The following RHBDD3 variants were observed in gnomAD, a reference collection of about 807,000 sequenced individuals.
RHBDD3 encodes the protein rhomboid domain-containing protein 3.
Under a neutral mutation model 32.3 loss-of-function variants are expected in RHBDD3, and 34 were observed. The ratio of observed to expected loss-of-function variants is 1.05; its 90% confidence interval spans 0.80 to 1.40. The LOEUF (loss-of-function observed/expected upper bound fraction) is 1.40. RHBDD3 is among the 40% of genes most tolerant of loss of function. The pLI is 0.00. For missense variants in RHBDD3, 482 were observed against 492.6 expected, an observed-to-expected ratio of 0.98 and a Z score of 0.20; for synonymous variants, 249 against 239.1, an observed-to-expected ratio of 1.04 and a Z score of -0.38.
Position 29,264,432 on chromosome 22 carries a change from CAG to C in RHBDD3, c.149-216_149-215del. On this transcript the variant is annotated intron_variant, in intron 3 of 6. Coordinates refer to ENST00000216085, the MANE Select transcript of RHBDD3 (RefSeq NM_012265.3). ...GTGGCTACGCCTCTGTGGTATTAAA[CAG>C]AATACACTGGACGTGCCACTCAGTC... 3.6e-6 allele frequency: 5 copies of C among 1,373,486 alleles called. No individual in the cohort carries two copies. The South Asian group carries it at 9.6e-5, about 26-fold the overall frequency. 85.1% of individuals were successfully genotyped at this position (1,373,486 alleles called of 1,614,324 possible). A position where few individuals can be genotyped will look rare whatever the true frequency, so the allele number is the denominator to read the frequency against.
At chr22:29,263,448 G>C (rs1411551199) in intron 4 of RHBDD3, among the ~76,000 whole-genome samples, 2 of 152,204 alleles carry the variant, frequency 1.3e-5, no homozygotes, top group East Asian at 3.8e-4. Flanking sequence ...AAAGTGCTGG[G>C]GTTACAGGCG....
chr22:29,268,142 C>G, upstream of RHBDD3: 2 of 674,780 alleles, frequency 3.0e-6, no homozygotes, highest in South Asian at 3.3e-5. Flanking sequence ...GTCGGGCGCT[C>G]TTTAGAGAGG....
intron 3 of RHBDD3, 73 bp from the exon 4 acceptor site, chr22:29,264,291 T>G (rs1015265157): frequency 1.4e-6 from 2 of 1,449,874 alleles, no homozygotes; most frequent in Admixed American, 2.8e-5. Flanking sequence ...TGTGCCAGGT[T>G]GAAGGTTACG....
intron 4 of RHBDD3, chr22:29,261,544 T>C (rs2058120855): frequency 6.0e-6 from 2 of 334,214 alleles, no homozygotes; most frequent in East Asian, 8.8e-5. Flanking sequence ...TAGTGAGCTA[T>C]GATGGCGTCG....
rs1472939304 is a variant in RHBDD3 at position 29,260,376 on chromosome 22, C to T, written c.933G>A (p.Gln311=). 1 of 1,612,466 alleles carries T rather than the reference C, an allele frequency of 6.2e-7. No homozygotes were observed. Among genetic ancestry groups the T allele is most frequent in the East Asian group, 2.2e-5 (1 of 44,876 alleles). Residue 311 remains glutamine, a synonymous_variant, in exon 6 of 7, where the codon CAG becomes CAA. Coordinates refer to ENST00000216085, the MANE Select transcript of RHBDD3 (RefSeq NM_012265.3). ...ACAGCCATGGTGCGCTCTGGGGTTC[C>T]TGGGCTGGCCCGTCAAGAAGCGAGG... ...IQASLLDGPA[Q]EPQSAPWLSK...
At chr22:29,268,032 C>T, upstream of RHBDD3, 2 of 511,520 alleles carry the variant, frequency 3.9e-6, no homozygotes, top group Non-Finnish European at 7.1e-6. Context: ...GGAACCATTC[C>T]AAACAGCCTA....
At chr22:29,262,261 CCT>C (rs1238767028) in intron 4 of RHBDD3, among the ~76,000 whole-genome samples, 1 of 151,506 alleles carries the variant, frequency 6.6e-6, no homozygotes, top group Non-Finnish European at 1.5e-5. Context: ...GCCTCAGCCT[CCT>C]GAGCAGCTGG....
chr22:29,263,755 C>T, intron 4 of RHBDD3, 80 bp downstream of exon 4: 1 of 1,453,134 alleles, frequency 6.9e-7, no homozygotes. Context: ...GGCCTTCACC[C>T]CTTTGTGCCA....
In RHBDD3 at chr22:29,260,084, G is replaced by C. The variant is rs761174134; in HGVS notation, c.1137C>G (p.His379Gln). 4 of 1,571,862 alleles carry C rather than the reference G, an allele frequency of 2.5e-6. No homozygotes were observed. The highest frequency in any genetic ancestry group is 3.5e-6 in the Non-Finnish European group (4 of 1,158,978). Residue 379 changes from histidine (H) to glutamine (Q), a missense_variant, in exon 7 of 7, where the codon CAC becomes CAG. Physicochemically the swap from His to Gln is conservative, Grantham distance 24. Coordinates refer to ENST00000216085, the MANE Select transcript of RHBDD3 (RefSeq NM_012265.3). ...GCTAGGGAGGCCCAGGACCCTCGGAGTGGGCAGGCCCACCCTTTCCATGGG... is the reference window on the plus strand; with the variant it reads ...GCTAGGGAGGCCCAGGACCCTCGGACTGGGCAGGCCCACCCTTTCCATGGG... ...LVTHGKGGPA[H>Q]SEGPGPP
rs759600103 is a variant in RHBDD3, at chr22:29,260,527, C to T, written c.782G>A (p.Arg261Lys). The change falls in exon 6 of 7, where the codon AGG (arginine) becomes AAG (lysine). Residue 261 changes from arginine to lysine, a missense_variant. Transcript: ENST00000216085. ...EDSALPPPSLRPVQPTWEGSS... is the reference protein window; with the variant it reads ...EDSALPPPSLKPVQPTWEGSS... ...GCCCTCCCAGGTGGGCTGCACAGGC[C>T]TCAGGCTTGGTGGGGGCAGGGCTGA... 3 of 1,597,926 alleles carry T rather than the reference C, an allele frequency of 1.9e-6. No homozygotes were observed. Among genetic ancestry groups the T allele is most frequent in the Non-Finnish European group, 2.6e-6 (3 of 1,174,814 alleles).
rs1039750804 is a variant in RHBDD3 at position 29,260,336 on chromosome 22, A to C, written c.973T>G (p.Ser325Ala). Residue 325 changes from serine (S) to alanine (A), a missense_variant, in exon 6 of 7, where the codon TCC (serine) becomes GCC (alanine). Transcript: ENST00000216085. The part of the protein sequence containing the change: ...SAPWLSKSSV[S>A]SLRLQQLERM... The stretch of plus-strand genomic sequence containing the variant: ...CCCACCCCACCTTACCGCAGAGAGG[A>C]GACAGAGGACTTGGACAGCCATGGT... 2 of 1,609,010 alleles carry C rather than the reference A, an allele frequency of 1.2e-6. No individual in the cohort carries two copies. Among genetic ancestry groups the C allele is most frequent in the Admixed American group, 1.7e-5 (1 of 59,814 alleles).
rs140437469 is a variant in RHBDD3 at position 29,260,720 on chromosome 22, G to A, written c.677C>T (p.Thr226Ile). ...CCCTCACCTCACTCCGGCAGGATGGGTGACAGGCAGCTCCGCCAGGCTACC... is the reference window on the plus strand; with the variant it reads ...CCCTCACCTCACTCCGGCAGGATGGATGACAGGCAGCTCCGCCAGGCTACC... ...TPGSLAELPV[T>I]HPAGVRPPIP... is the part of the protein sequence containing the mutation. The change falls in exon 5 of 7, where the codon ACC (threonine) becomes ATC (isoleucine). Residue 226 changes from threonine (T) to isoleucine (I), a missense_variant. Transcript: ENST00000216085. The A allele has an allele frequency of 1.9e-6, 3 of 1,588,814 alleles. No individual in the cohort carries two copies. Among genetic ancestry groups the A allele is most frequent in the African/African-American group, 2.7e-5 (2 of 74,556 alleles).
At position 29,264,025 on chromosome 22, in the gene RHBDD3, A is replaced by G. The variant is rs1341089212; in HGVS notation, c.342T>C (p.Ser114=). The G allele has an allele frequency of 6.4e-7, 1 of 1,558,750 alleles. No individual in the cohort carries two copies. The highest frequency in any genetic ancestry group is 1.4e-5 in the African/African-American group (1 of 73,956). The change falls in exon 4 of 7, where the codon AGT becomes AGC. Residue 114 remains serine (S), a synonymous_variant. Coordinates refer to ENST00000216085, the MANE Select transcript of RHBDD3 (RefSeq NM_012265.3). ...GCATGTATCCACAGCTGCCGGCTGC[A>G]CTGGACAGCCCAAGGCCTGCCAGCA... is the stretch of plus-strand genomic sequence containing the variant. ...AVLLAGLGLS[S]AAGSCGYMPV... is the part of the protein sequence containing the mutation.
Position 29,260,843 on chromosome 22 carries a change from C to T in RHBDD3, c.554G>A (p.Trp185Ter), listed in dbSNP as rs745767269. ...GLAYAAGAFR[W>*]LEPSERRLQV... ...CAGCCGTCGCTCTGAGGGTTCCAGC[C>T]ACCGGAAGGCCCCAGCTGCATCTGT... The change falls in exon 5 of 7, where the codon TGG becomes TAG. Residue 185 changes from tryptophan to a stop codon, truncating the protein, a stop_gained. Coordinates refer to ENST00000216085, the MANE Select transcript of RHBDD3 (RefSeq NM_012265.3). LOFTEE classifies it high-confidence loss of function. 3 of 1,595,768 alleles carry T rather than the reference C, an allele frequency of 1.9e-6. No individual in the cohort carries two copies. Among genetic ancestry groups the T allele is most frequent in the Non-Finnish European group, 2.6e-6 (3 of 1,173,250 alleles).
At position 29,260,874 on chromosome 22, in the gene RHBDD3, C is replaced by A. The variant is rs769431219; in HGVS notation, c.533-10G>T. 3 of 1,549,650 alleles carry A rather than the reference C, an allele frequency of 1.9e-6. No homozygotes were observed. The highest frequency in any genetic ancestry group is 2.3e-5 in the East Asian group (1 of 44,172). On this transcript the variant is annotated splice_polypyrimidine_tract_variant and intron_variant, in intron 4 of 6. Coordinates refer to ENST00000216085, the MANE Select transcript of RHBDD3 (RefSeq NM_012265.3). Reference sequence around the variant, plus strand: ...AAGGCCCCAGCTGCATCTGTCTGCCCGGGGCAGGGCGGCCGGTCAAGGAAA... The same window carrying A: ...AAGGCCCCAGCTGCATCTGTCTGCCAGGGGCAGGGCGGCCGGTCAAGGAAA...
intron 4 of RHBDD3, chr22:29,261,484 C>T (rs1436663713): frequency 2.6e-6 from 1 of 377,574 alleles, no homozygotes; most frequent in Non-Finnish European, 5.3e-6. Flanking sequence ...ATCTCAGCTA[C>T]TCAAGTGGCT....
rs113362509 is a variant in RHBDD3, at chr22:29,260,176, T to C, written c.1045A>G (p.Thr349Ala). 43 of 1,589,662 alleles carry C rather than the reference T, an allele frequency of 2.7e-5. No homozygotes were observed. In the African/African-American group the frequency reaches 4.4e-4, roughly 16 times the overall value. ...GACACGGCACCCTCCACACGGCCTG[T>C]GGCTGCCAGTGCCACCACCGCCTGC... ...TEQAVVALAA[T>A]GRVEGAVSLL... Residue 349 changes from threonine (T) to alanine (A), a missense_variant, in exon 7 of 7, where the codon ACA becomes GCA. Transcript: ENST00000216085.
At chr22:29,264,279 G>A (rs922320855) in intron 3 of RHBDD3, 61 bp from the exon 4 acceptor site, 13 of 1,458,568 alleles carry the variant, frequency 8.9e-6, no homozygotes, top group South Asian at 1.5e-5. Flanking sequence ...GGCTGTCCCA[G>A]GTGTGCCAGG....
rs747806442 is a variant in RHBDD3, at chr22:29,260,254, G to A, written c.984-17C>T. On this transcript the variant is annotated splice_polypyrimidine_tract_variant and intron_variant, in intron 6 of 6. Coordinates refer to ENST00000216085, the MANE Select transcript of RHBDD3 (RefSeq NM_012265.3). The stretch of plus-strand genomic sequence containing the variant: ...TGCTGCAGCCTGTTGGGGGTGGGGG[G>A]AGAAGTGGGGAGTGTCAGGGCCACC... The A allele has an allele frequency of 3.7e-6, 6 of 1,602,232 alleles. No homozygotes were observed. In the Admixed American group the frequency reaches 8.6e-5, roughly 23 times the overall value.
Sources: gnomAD v4.1 joint callset for allele counts (sites outside exome capture counted in the v4.1 genomes callset) on GRCh38, gnomAD v4.1.1 for gene constraint, MANE v1.5 for transcripts, NCBI Gene and HGNC (gene_info 2026-07-23, HGNC 2026-07-21) for gene names.